Variants in C4orf51 observed in about 807,000 individuals in gnomAD.
C4orf51 encodes uncharacterized protein C4orf51.
In C4orf51, 25 loss-of-function variants were observed where a neutral mutation model predicts 25.2. The ratio of observed to expected loss-of-function variants is 0.99; its 90% CI spans 0.72 to 1.39. The LOEUF is 1.39. Among genes scored for constraint, C4orf51 ranks in the 40% most tolerant of loss-of-function variants. C4orf51 has a pLI of 0.00. For missense variants in C4orf51, 252 were observed against 239.6 expected, an observed-to-expected ratio of 1.05 and a Z score of -0.34; for synonymous variants, 100 against 84.5, an observed-to-expected ratio of 1.18 and a Z score of -1.01.
chr4:145,755,266 G>C (rs1733876321), downstream of C4orf51, among the ~76,000 whole-genome samples: 1 of 152,154 alleles, frequency 6.6e-6, no homozygotes, highest in South Asian at 2.1e-4. Context: ...GTTTGTGTCT[G>C]AGCCAGGTTT....
At chr4:145,770,174 C>T (rs1736025459) in intron 1 of C4orf51, among the ~76,000 whole-genome samples, 1 of 152,092 alleles carries the variant, frequency 6.6e-6, no homozygotes, top group Non-Finnish European at 1.5e-5. Flanking sequence ...TGCCCCATGC[C>T]TATGATCCCA....
intron 2 of C4orf51, among the ~76,000 whole-genome samples, chr4:145,702,603 A>G (rs980322419): frequency 6.6e-6 from 1 of 152,220 alleles, no homozygotes; most frequent in Non-Finnish European, 1.5e-5. Context: ...AAGCCATCAC[A>G]GCTGATATCG....
At chr4:145,735,084 C>T (rs1732731340), downstream of C4orf51, among the ~76,000 whole-genome samples, 1 of 152,124 alleles carries the variant, frequency 6.6e-6, no homozygotes, top group African/African-American at 2.4e-5. Context: ...ATGGAAGTTG[C>T]AACGTGACAT....
intron 1 of C4orf51, 113 bp downstream of exon 1, chr4:145,680,549 G>C: frequency 1.4e-6 from 1 of 735,336 alleles, no homozygotes; most frequent in Non-Finnish European, 2.2e-6. Flanking sequence ...TTAACCCTCT[G>C]TATTTTCTTT....
intron 1 of C4orf51, among the ~76,000 whole-genome samples, chr4:145,691,162 CACA>C (rs752287480): frequency 3.3e-5 from 5 of 152,006 alleles, no homozygotes; most frequent in East Asian, 3.8e-4. Context: ...CAAGAGAAAA[CACA>C]ACAAGTGGCC....
At chr4:145,788,663 A>G in the C4orf51 span, among the ~76,000 whole-genome samples, 1 of 152,212 alleles carries the variant, frequency 6.6e-6, no homozygotes, top group Non-Finnish European at 1.5e-5. Context: ...ATGGAAGCAA[A>G]CTGACAATAT....
chr4:145,708,335 A>T (rs1374237932), intron 2 of C4orf51, among the ~76,000 whole-genome samples: 5 of 152,232 alleles, frequency 3.3e-5, no homozygotes, highest in African/African-American at 1.2e-4. Context: ...AGTATTACAA[A>T]GGAAAAGTAG....
downstream of C4orf51, among the ~76,000 whole-genome samples, chr4:145,756,292 T>C (rs933894538): frequency 2.0e-5 from 3 of 152,220 alleles, no homozygotes; most frequent in Non-Finnish European, 4.4e-5. Flanking sequence ...ATAGAAAACA[T>C]GGCTTTGAGT....
At position 145,763,356 on chromosome 4, in the gene C4orf51, C is replaced by A. The variant is rs941437981; in HGVS notation, n.167-7632C>A. Among the ~76,000 whole-genome samples the A allele has an allele frequency of 6.6e-6, 1 of 152,222 alleles. No homozygotes were observed. ...AGACACTCTCTCAGGCAAATTAATT[C>A]TCTGATATGGCAAAGGAAACAAAAC... On this transcript the variant is annotated intron_variant and non_coding_transcript_variant, in intron 1 of 1. Transcript: ENST00000510096. This position sits in a 1 kb window ranked among gnomAD's most constrained non-coding sequence, Gnocchi z 4.6.
intron 1 of C4orf51, chr4:145,759,767 T>C: frequency 6.6e-6 from 1 of 152,200 alleles, no homozygotes. Context: ...TTTTTTAGTC[T>C]GAGCATTTAT....
chr4:145,717,182 G>A (rs1260274768), intron 2 of C4orf51, among the ~76,000 whole-genome samples: 1 of 152,112 alleles, frequency 6.6e-6, no homozygotes, highest in East Asian at 1.9e-4. Flanking sequence ...TGGGTGGGTG[G>A]GGGCATTTGA....
intron 2 of C4orf51, among the ~76,000 whole-genome samples, chr4:145,710,112 A>G (rs1002159920): frequency 6.6e-6 from 1 of 152,206 alleles, no homozygotes; most frequent in African/African-American, 2.4e-5. Context: ...TTAACAGCAG[A>G]ATGTATTTGA....
chr4:145,706,061 G>T (rs914515589), intron 2 of C4orf51, among the ~76,000 whole-genome samples: 1 of 151,582 alleles, frequency 6.6e-6, no homozygotes, highest in Admixed American at 6.6e-5. Flanking sequence ...GAATAAGCAG[G>T]GTTAGTCTAA....
the C4orf51 span, among the ~76,000 whole-genome samples, chr4:145,788,714 G>A: frequency 6.6e-6 from 1 of 152,140 alleles, no homozygotes; most frequent in East Asian, 1.9e-4. Context: ...TTATTATCTT[G>A]CCCATTACAC....
At chr4:145,684,246 G>A (rs1729005128) in intron 1 of C4orf51, among the ~76,000 whole-genome samples, 1 of 152,142 alleles carries the variant, frequency 6.6e-6, no homozygotes, top group Non-Finnish European at 1.5e-5. Flanking sequence ...ACTTTGGGAG[G>A]TCAAGGCAGG....
chr4:145,721,503 CAGA>C (rs1731738738), intron 2 of C4orf51, among the ~76,000 whole-genome samples: 2 of 152,142 alleles, frequency 1.3e-5, no homozygotes, highest in Admixed American at 1.3e-4. Context: ...CCTCTGGACT[CAGA>C]AAATATCAAT....
At chr4:145,722,994 T>G (rs1479273611) in intron 2 of C4orf51, among the ~76,000 whole-genome samples, 2 of 152,220 alleles carry the variant, frequency 1.3e-5, no homozygotes, top group African/African-American at 4.8e-5. Context: ...GCACTGATTC[T>G]AAATTACGGT....
chr4:145,715,495 C>T (rs1731360474), intron 2 of C4orf51, among the ~76,000 whole-genome samples: 1 of 152,064 alleles, frequency 6.6e-6, no homozygotes, highest in African/African-American at 2.4e-5. Flanking sequence ...AGTTGTGCTA[C>T]CTTGCAGGAG....
At chr4:145,697,455 A>G (rs1330159143) in intron 2 of C4orf51, among the ~76,000 whole-genome samples, 7 of 152,230 alleles carry the variant, frequency 4.6e-5, no homozygotes, top group Admixed American at 3.3e-4. Context: ...ACTGTACATA[A>G]GGTCTCCATA....
Sources: allele counts gnomAD v4.1 joint callset (sites outside exome capture counted in the v4.1 genomes callset), GRCh38; gene constraint gnomAD v4.1.1; non-coding constraint Gnocchi (gnomAD v3.1); transcripts MANE v1.5; gene names NCBI Gene and HGNC (gene_info 2026-07-23, HGNC 2026-07-21).